Variants in CEP152 observed in about 807,000 individuals in gnomAD.
The protein encoded by CEP152 is centrosomal protein 152.
A neutral mutation model predicts 188.9 loss-of-function variants in CEP152; 132 were observed. The observed-to-expected ratio is 0.70, with a 90% CI of 0.61 to 0.81. The LOEUF is 0.81. Ranked by LOEUF, CEP152 falls within the 30% of genes least tolerant of loss-of-function variation. The probability of loss-of-function intolerance (pLI) is 0.00; values close to 1 mark genes in which losing one functional copy is unlikely to be tolerated. For missense variants in CEP152, 1,914 were observed against 1,969.8 expected, an observed-to-expected ratio of 0.97 and a Z score of 0.54; for synonymous variants, 649 against 666.6, an observed-to-expected ratio of 0.97 and a Z score of 0.41.
At chr15:48,802,609 G>A (rs1044683395) in intron 2 of CEP152, among the ~76,000 whole-genome samples, 1 of 151,532 alleles carries the variant, frequency 6.6e-6, no homozygotes, top group South Asian at 2.1e-4. Flanking sequence ...ATTATAGGAC[G>A]TTTCTAAAAA....
intron 2 of CEP152, 129 bp downstream of exon 2, chr15:48,805,434 G>A (rs1595708256): frequency 8.0e-7 from 1 of 1,256,980 alleles, no homozygotes; most frequent in East Asian, 2.6e-5. Context: ...CAGATTTTAG[G>A]GTTGTTTTTT....
Position 48,739,081 on chromosome 15 carries a change from A to G in CEP152, c.4301T>C (p.Val1434Ala). 1.2e-6 allele frequency: 2 copies of G among 1,614,204 alleles called. No individual in the cohort carries two copies. Among genetic ancestry groups the G allele is most frequent in the Non-Finnish European group, 1.7e-6 (2 of 1,180,018 alleles). Residue 1434 changes from valine to alanine, a missense_variant, in exon 27 of 27, where the codon GTG (valine) becomes GCG (alanine). By Grantham distance (64) the Val-to-Ala change is moderately conservative. Coordinates refer to ENST00000380950, the MANE Select transcript of CEP152 (RefSeq NM_001194998.2). ...TTCCAAATGTGTCTCTTTGGATCCC[A>G]CATGCTTTATGCTCTGATGCTCTGA... ...ENSEHQSIKH[V>A]GSKETHLEFQ... is the part of the protein sequence containing the mutation.
At chr15:48,762,130 G>A (rs1395707317) in intron 18 of CEP152, among the ~76,000 whole-genome samples, 3 of 152,102 alleles carry the variant, frequency 2.0e-5, no homozygotes, top group African/African-American at 7.2e-5. Flanking sequence ...CTTTAACCTT[G>A]GGCATCTTAA....
Position 48,755,887 on chromosome 15 carries a change from A to T in CEP152, c.3345+16T>A. 6.2e-7 allele frequency: 1 copy of T among 1,612,938 alleles called. No homozygotes were observed. The highest frequency in any genetic ancestry group is 8.5e-7 in the Non-Finnish European group (1 of 1,179,842). On this transcript the variant is annotated intron_variant, in intron 20 of 26. Coordinates refer to ENST00000380950, the MANE Select transcript of CEP152 (RefSeq NM_001194998.2). ...TTCTTGGTGTTCAATACCTTCTCTC[A>T]CTCTCAGGAACATACCTTTTTCCAT...
At position 48,738,522 on chromosome 15, in the gene CEP152, T is replaced by C; in HGVS notation, c.4860A>G (p.Thr1620=). The C allele has an allele frequency of 6.2e-7, 1 of 1,614,222 alleles. No individual in the cohort carries two copies. The highest frequency in any genetic ancestry group is 8.5e-7 in the Non-Finnish European group (1 of 1,180,030). Residue 1620 remains threonine (T), a synonymous_variant, in exon 27 of 27, where the codon ACA becomes ACG. Coordinates refer to ENST00000380950, the MANE Select transcript of CEP152 (RefSeq NM_001194998.2). ...TTTGACAAATCATATTACTTTCCTC[T>C]GTATCTGAAAGATAACCGGATGGTG... ...QFSPSGYLSD[T]EESNMICQTM...
At chr15:48,766,590 C>T (rs542388890) in intron 17 of CEP152, among the ~76,000 whole-genome samples, 2 of 152,158 alleles carry the variant, frequency 1.3e-5, no homozygotes, top group Non-Finnish European at 1.5e-5. Context: ...TTCCCTATCA[C>T]GAGACCAACA....
Position 48,741,677 on chromosome 15 carries a change from A to G in CEP152, c.4017T>C (p.Ala1339=). ...ATTTTGCCATTGTAGCAAGTTTGCT[A>G]GCAGCATTCATAATCTTTTTCTCAG... ...EGAEKKIMNA[A]SKLATMAKLL... The change falls in exon 26 of 27, where the codon GCT becomes GCC. Residue 1339 remains alanine, a synonymous_variant. Coordinates refer to ENST00000380950, the MANE Select transcript of CEP152 (RefSeq NM_001194998.2). 1.9e-6 allele frequency: 3 copies of G among 1,614,156 alleles called. No homozygotes were observed. The highest frequency in any genetic ancestry group is 2.5e-6 in the Non-Finnish European group (3 of 1,180,028).
chr15:48,756,703 TAAA>T (rs1356980601), intron 19 of CEP152, 150 bp from the exon 20 acceptor site: 1 of 742,886 alleles, frequency 1.3e-6, no homozygotes, highest in African/African-American at 1.8e-5. Context: ...GACATTATTC[TAAA>T]AACTATACTT....
chr15:48,779,704 C>T (rs185483698), intron 12 of CEP152, among the ~76,000 whole-genome samples: 2 of 152,228 alleles, frequency 1.3e-5, no homozygotes, highest in Non-Finnish European at 2.9e-5. Context: ...TCAAAACAAT[C>T]TGGATCTAAA....
intron 10 of CEP152, 180 bp downstream of exon 10, chr15:48,783,793 A>ATATG: frequency 6.5e-6 from 1 of 154,558 alleles, no homozygotes; most frequent in African/African-American, 2.8e-5. Context: ...ATATATATGT[A>ATATG]TATATATATA....
At chr15:48,743,274 C>T (rs1893142029) in intron 24 of CEP152, among the ~76,000 whole-genome samples, 1 of 152,194 alleles carries the variant, frequency 6.6e-6, no homozygotes, top group South Asian at 2.1e-4. Flanking sequence ...TTTGAAACTT[C>T]AGACTTTTCC....
chr15:48,768,834 C>T (rs772670240), intron 14 of CEP152, 122 bp downstream of exon 14: 2 of 706,128 alleles, frequency 2.8e-6, no homozygotes, highest in African/African-American at 1.8e-5. Context: ...CTCATAATCA[C>T]CTGCTAATAT....
intron 22 of CEP152, among the ~76,000 whole-genome samples, chr15:48,747,582 GA>G (rs1387576617): frequency 6.6e-6 from 1 of 152,210 alleles, no homozygotes; most frequent in Non-Finnish European, 1.5e-5. Context: ...AGCATCTTCT[GA>G]GTTGAATCCT....
intron 17 of CEP152, among the ~76,000 whole-genome samples, chr15:48,764,943 T>C (rs1042608709): frequency 3.3e-5 from 5 of 152,052 alleles, no homozygotes; most frequent in South Asian, 4.2e-4. Context: ...GTGCCCTCAC[T>C]TGTTCTAGAG....
intron 24 of CEP152, among the ~76,000 whole-genome samples, chr15:48,742,337 A>G (rs1204595200): frequency 6.6e-6 from 1 of 152,234 alleles, no homozygotes; most frequent in Non-Finnish European, 1.5e-5. Context: ...ATAGTAAGGA[A>G]ACATGGCATA....
Position 48,797,287 on chromosome 15 carries a change from A to G in CEP152, c.540+14T>C, listed in dbSNP as rs1255886036. 2 of 1,613,774 alleles carry G rather than the reference A, an allele frequency of 1.2e-6. No homozygotes were observed. The highest frequency in any genetic ancestry group is 1.7e-6 in the Non-Finnish European group (2 of 1,179,832). On this transcript the variant is annotated intron_variant, in intron 5 of 26. Coordinates refer to ENST00000380950, the MANE Select transcript of CEP152 (RefSeq NM_001194998.2). ...CACACACACAAGTTCTTGAAAGTCA[A>G]GTTTTTACAATACCTGAAAATGGTT...
chr15:48,802,861 G>T (rs939134331), intron 2 of CEP152, among the ~76,000 whole-genome samples: 1 of 152,208 alleles, frequency 6.6e-6, no homozygotes, highest in Non-Finnish European at 1.5e-5. Context: ...GGTTGGAATG[G>T]TGTATTCATT....
chr15:48,743,330 C>T (rs1428636507), intron 24 of CEP152, among the ~76,000 whole-genome samples: 1 of 152,154 alleles, frequency 6.6e-6, no homozygotes, highest in African/African-American at 2.4e-5. Context: ...AGTTAATATA[C>T]ATTTTTCCTA....
intron 8 of CEP152, 67 bp downstream of exon 8, chr15:48,791,170 C>T: frequency 2.1e-6 from 3 of 1,419,776 alleles, no homozygotes; most frequent in Non-Finnish European, 2.9e-6. Flanking sequence ...TAGTCCTACC[C>T]TACAAAAAGT....
Sources: allele counts gnomAD v4.1 joint callset (sites outside exome capture counted in the v4.1 genomes callset), GRCh38; gene constraint gnomAD v4.1.1; transcripts MANE v1.5; gene names NCBI Gene and HGNC (gene_info 2026-07-23, HGNC 2026-07-21).